UNC5D: variants seen among roughly 807,000 people sequenced by gnomAD.
UNC5D encodes netrin receptor UNC5D.
Under a neutral mutation model 105.4 loss-of-function variants are expected in UNC5D, and 39 were observed. The observed-to-expected ratio is 0.37, with a 90% CI of 0.29 to 0.48. The LOEUF is 0.48. Ranked by LOEUF, UNC5D falls within the 20% of genes least tolerant of loss-of-function variation. The probability of loss-of-function intolerance (pLI) is 0.98; values close to 1 mark genes in which losing one functional copy is unlikely to be tolerated. For missense variants in UNC5D, 991 were observed against 1,202.4 expected, an observed-to-expected ratio of 0.82 and a Z score of 2.60; for synonymous variants, 452 against 450.4, an observed-to-expected ratio of 1.00 and a Z score of -0.04.
At chr8:35,244,507 T>C in intron 1 of UNC5D, among the ~76,000 whole-genome samples, 1 of 152,172 alleles carries the variant, frequency 6.6e-6, no homozygotes, top group Non-Finnish European at 1.5e-5. Context: ...GAAATGGCCC[T>C]GTCTGTGACA....
At chr8:35,488,461 G>T (rs563599880) in intron 1 of UNC5D, among the ~76,000 whole-genome samples, 1 of 152,310 alleles carries the variant, frequency 6.6e-6, no homozygotes, top group East Asian at 1.9e-4. Context: ...CACAAGTTTG[G>T]AAGTGGAGAC....
intron 1 of UNC5D, among the ~76,000 whole-genome samples, chr8:35,350,258 G>A (rs968778853): frequency 6.6e-6 from 1 of 151,766 alleles, no homozygotes; most frequent in African/African-American, 2.4e-5. Flanking sequence ...ACTTAAGCAT[G>A]GATAAACAAA....
At chr8:35,657,082 A>ATATATATATATATATATATG (rs1563637876) in intron 4 of UNC5D, among the ~76,000 whole-genome samples, 14 of 28,326 alleles carry the variant, frequency 4.9e-4, no homozygotes, top group African/African-American at 1.8e-3. Context: ...GTGTGTGTGT[A>ATATATATATATATATATATG]TATATATATA....
chr8:35,655,190 A>T (rs796327171), intron 4 of UNC5D, among the ~76,000 whole-genome samples: 10 of 152,326 alleles, frequency 6.6e-5, no homozygotes, highest in African/African-American at 2.4e-4. Flanking sequence ...TGCATACTAA[A>T]CATGCTCAAG....
intron 1 of UNC5D, among the ~76,000 whole-genome samples, chr8:35,431,043 C>T (rs1806598341): frequency 6.6e-6 from 1 of 151,946 alleles, no homozygotes; most frequent in South Asian, 2.1e-4. Context: ...ATTTAACTTC[C>T]TCAGTTATCT....
chr8:35,245,902 C>T (rs556596362), intron 1 of UNC5D, among the ~76,000 whole-genome samples: 1 of 152,258 alleles, frequency 6.6e-6, no homozygotes, highest in South Asian at 2.1e-4. Context: ...ATTAGTAACA[C>T]TTAAACTTGG....
rs201630665 is a variant in UNC5D at position 35,664,503 on chromosome 8, T to G, written c.571-19044T>G. On this transcript the variant is annotated intron_variant, in intron 4 of 16. Coordinates refer to ENST00000404895, the MANE Select transcript of UNC5D (RefSeq NM_080872.4). The stretch of plus-strand genomic sequence containing the variant: ...CAATTATCTTGCCTCAGCCTCCGAG[T>G]AGCTGGAATTACTTACAGCCACATG... 4.6e-5 allele frequency among the ~76,000 whole-genome samples: 7 copies of G among 152,178 alleles called. No homozygotes were observed. In the East Asian group the frequency reaches 1.4e-3, roughly 30 times the overall value.
chr8:35,501,000 C>G (rs1811929932), intron 1 of UNC5D, among the ~76,000 whole-genome samples: 1 of 152,150 alleles, frequency 6.6e-6, no homozygotes, highest in African/African-American at 2.4e-5. Context: ...CCTCTGGGTG[C>G]TTTCCCATGA....
At chr8:35,694,272 G>A (rs1826604632) in intron 7 of UNC5D, among the ~76,000 whole-genome samples, 1 of 151,998 alleles carries the variant, frequency 6.6e-6, no homozygotes, top group Non-Finnish European at 1.5e-5. Flanking sequence ...GCCTAGGTTG[G>A]GCCTAGATTG....
At chr8:35,510,283 G>C (rs1324160530) in intron 1 of UNC5D, among the ~76,000 whole-genome samples, 1 of 130,924 alleles carries the variant, frequency 7.6e-6, no homozygotes, top group Non-Finnish European at 1.5e-5. Flanking sequence ...CTAGGGGGTA[G>C]CAGTTACCAG....
intron 3 of UNC5D, among the ~76,000 whole-genome samples, chr8:35,586,580 C>T (rs1314195665): frequency 6.6e-6 from 1 of 152,102 alleles, no homozygotes. Flanking sequence ...AATAAATACT[C>T]TGTATTTGGG....
At chr8:35,671,402 G>T (rs1586386209) in intron 4 of UNC5D, among the ~76,000 whole-genome samples, 2 of 152,162 alleles carry the variant, frequency 1.3e-5, no homozygotes, top group East Asian at 3.9e-4. Context: ...TTTATAATGG[G>T]AAGCCAAATG....
chr8:35,442,877 C>CTGTT (rs1807507289), intron 1 of UNC5D, among the ~76,000 whole-genome samples: 1 of 142,182 alleles, frequency 7.0e-6, no homozygotes, highest in African/African-American at 2.7e-5. Flanking sequence ...CTCTCTCTCT[C>CTGTT]TCTCTGTTTC....
In UNC5D at chr8:35,360,981, A is replaced by T. The variant is rs1241200353; in HGVS notation, c.103+125094A>T. On this transcript the variant is annotated intron_variant, in intron 1 of 16. Transcript: ENST00000404895. Reference sequence around the variant, plus strand: ...CAAGTTGCTTTTAAAAAGATTTTTTAAAATATATATACTCTCAAACATCAA... The same window carrying T: ...CAAGTTGCTTTTAAAAAGATTTTTTTAAATATATATACTCTCAAACATCAA... Among the ~76,000 whole-genome samples the T allele has an allele frequency of 2.0e-5, 3 of 152,100 alleles. No homozygotes were observed. The East Asian group carries it at 5.8e-4, about 29-fold the overall frequency.
chr8:35,658,935 G>A (rs1823945322), intron 4 of UNC5D, among the ~76,000 whole-genome samples: 1 of 152,106 alleles, frequency 6.6e-6, no homozygotes, highest in East Asian at 1.9e-4. Context: ...GATTACAAGC[G>A]TGAGCCACCG....
At chr8:35,246,190 C>T (rs1432316228) in intron 1 of UNC5D, among the ~76,000 whole-genome samples, 2 of 152,110 alleles carry the variant, frequency 1.3e-5, no homozygotes, top group African/African-American at 2.4e-5. Context: ...TCTGAACTTC[C>T]GTGATGCCGC....
At chr8:35,374,079 A>G (rs1440236194) in intron 1 of UNC5D, among the ~76,000 whole-genome samples, 1 of 152,206 alleles carries the variant, frequency 6.6e-6, no homozygotes, top group East Asian at 1.9e-4. Context: ...TTTCGTGGTG[A>G]CATACTGGTA....
At chr8:35,249,975 C>G (rs935967979) in intron 1 of UNC5D, among the ~76,000 whole-genome samples, 1 of 151,730 alleles carries the variant, frequency 6.6e-6, no homozygotes, top group Admixed American at 6.6e-5. Flanking sequence ...GTATTTTCAC[C>G]TAGGGTTAGG....
chr8:35,650,497 C>T (rs1259325931), intron 4 of UNC5D, among the ~76,000 whole-genome samples: 4 of 152,044 alleles, frequency 2.6e-5, no homozygotes, highest in African/African-American at 9.7e-5. Flanking sequence ...TTTTGAGTTT[C>T]ACTCTTGTCA....
Sources: gnomAD v4.1 joint callset for allele counts (sites outside exome capture counted in the v4.1 genomes callset) on GRCh38, gnomAD v4.1.1 for gene constraint, MANE v1.5 for transcripts, NCBI Gene and HGNC (gene_info 2026-07-23, HGNC 2026-07-21) for gene names.